The following KCNC2 variants were observed in gnomAD, a reference collection of about 807,000 sequenced individuals.
The protein encoded by KCNC2 is potassium voltage-gated channel subfamily C member 2.
KCNC2 carries 21 observed loss-of-function variants against 44.5 expected under a neutral mutation model. The observed-to-expected ratio is 0.47, with a 90% CI of 0.33 to 0.68. The LOEUF (loss-of-function observed/expected upper bound fraction) is 0.68. KCNC2 is among the 30% of genes least tolerant of loss of function. The pLI is 0.01. For synonymous variants in KCNC2, 391 were observed against 339.1 expected (o/e 1.15, Z -1.68); for missense variants, 589 against 826.2 (o/e 0.71, Z 3.52).
intron 2 of KCNC2, among the ~76,000 whole-genome samples, chr12:75,076,038 TACACACAC>T (rs71078709): frequency 2.1e-3 from 302 of 141,394 alleles, no homozygotes; most frequent in African/African-American, 4.7e-3. Context: ...TAATGTTACA[TACACACAC>T]ACACACACAC....
chr12:75,113,213 C>T (rs1887385093), intron 2 of KCNC2, among the ~76,000 whole-genome samples: 1 of 152,064 alleles, frequency 6.6e-6, no homozygotes, highest in Non-Finnish European at 1.5e-5. Context: ...TGGGGTCTAT[C>T]ATTTGACAAA....
chr12:75,114,457 C>T (rs1887491990), intron 2 of KCNC2, among the ~76,000 whole-genome samples: 1 of 152,126 alleles, frequency 6.6e-6, no homozygotes, highest in Non-Finnish European at 1.5e-5. Context: ...GTAACAGAGA[C>T]ATAGTGGTAA....
chr12:75,187,628 G>A (rs1893042009), intron 2 of KCNC2, among the ~76,000 whole-genome samples: 1 of 152,218 alleles, frequency 6.6e-6, no homozygotes, highest in African/African-American at 2.4e-5. Context: ...CCAGTTAAAT[G>A]TGGTGGCCAG....
chr12:75,093,291 G>C (rs565052513), intron 2 of KCNC2, among the ~76,000 whole-genome samples: 1 of 151,598 alleles, frequency 6.6e-6, no homozygotes, highest in South Asian at 2.1e-4. Context: ...TCTTAGTAAT[G>C]TCAACTTCGC....
At chr12:75,179,480 G>A (rs1258714802) in intron 2 of KCNC2, among the ~76,000 whole-genome samples, 1 of 151,684 alleles carries the variant, frequency 6.6e-6, no homozygotes. Context: ...CTTATTATAT[G>A]AGAAAAATAA....
intron 2 of KCNC2, among the ~76,000 whole-genome samples, chr12:75,057,879 C>T (rs1321516621): frequency 6.6e-6 from 1 of 151,352 alleles, no homozygotes; most frequent in Non-Finnish European, 1.5e-5. Flanking sequence ...TTCTTTATAT[C>T]CTTATCCAAT....
At chr12:75,111,859 T>C (rs1887275484) in intron 2 of KCNC2, among the ~76,000 whole-genome samples, 1 of 152,060 alleles carries the variant, frequency 6.6e-6, no homozygotes, top group South Asian at 2.1e-4. Flanking sequence ...GTGATTTTAT[T>C]TTTAAAGTTT....
intron 2 of KCNC2, among the ~76,000 whole-genome samples, chr12:75,144,035 A>AC (rs1430284241): frequency 6.6e-6 from 1 of 152,174 alleles, no homozygotes; most frequent in African/African-American, 2.4e-5. Context: ...GTGAACATCC[A>AC]TTTTTATATG....
chr12:75,199,348 CAA>C (rs2031045910), intron 2 of KCNC2, among the ~76,000 whole-genome samples: 1 of 151,826 alleles, frequency 6.6e-6, no homozygotes, highest in African/African-American at 2.4e-5. Context: ...ACACATAAAA[CAA>C]TGAGGAAATG....
intron 2 of KCNC2, among the ~76,000 whole-genome samples, chr12:75,109,147 T>C (rs1887022799): frequency 6.6e-6 from 1 of 152,214 alleles, no homozygotes; most frequent in Admixed American, 6.5e-5. Flanking sequence ...TGTGATTATT[T>C]TAAAGTAGAT....
intron 2 of KCNC2, among the ~76,000 whole-genome samples, chr12:75,161,432 A>G (rs1044478990): frequency 6.6e-6 from 1 of 151,708 alleles, no homozygotes; most frequent in Non-Finnish European, 1.5e-5. Context: ...CAAATGTTGC[A>G]CTCTGATTGA....
chr12:75,041,341 T>C lies in KCNC2; in HGVS notation c.*1764A>G. On this transcript the variant is annotated 3_prime_UTR_variant, in exon 5 of 5. Coordinates refer to ENST00000549446, the MANE Select transcript of KCNC2 (RefSeq NM_139137.4). Reference sequence around the variant, plus strand: ...TAAATATCATATATGTATGTCTGGATAAATACATTGCTGTACAACATCTCC... The same window carrying C: ...TAAATATCATATATGTATGTCTGGACAAATACATTGCTGTACAACATCTCC... The C allele has an allele frequency of 6.8e-7, 1 of 1,476,060 alleles. No individual in the cohort carries two copies. The highest frequency in any genetic ancestry group is 9.0e-7 in the Non-Finnish European group (1 of 1,114,274). The allele number at this position is 1,476,060 out of a possible 1,614,324, so 91.4% of individuals were successfully genotyped here.
intron 2 of KCNC2, among the ~76,000 whole-genome samples, chr12:75,157,539 G>C (rs1890846739): frequency 6.6e-6 from 1 of 151,816 alleles, no homozygotes; most frequent in Non-Finnish European, 1.5e-5. Context: ...ATACTTCCTT[G>C]GACCTGTGCG....
At chr12:75,102,033 G>A (rs554011019) in intron 2 of KCNC2, among the ~76,000 whole-genome samples, 56 of 152,162 alleles carry the variant, frequency 3.7e-4, no homozygotes, top group African/African-American at 1.3e-3. Context: ...CAAGGGATAT[G>A]TCAAGAATAA....
At chr12:75,086,681 A>AATATATATCTATATATATATAT (rs1885054253) in intron 2 of KCNC2, among the ~76,000 whole-genome samples, 1 of 54,208 alleles carries the variant, frequency 1.8e-5, no homozygotes, top group Non-Finnish European at 3.5e-5. Flanking sequence ...AAAAAAAAAA[A>AATATATATCTATATATATATAT]ATATATATAT....
intron 2 of KCNC2, among the ~76,000 whole-genome samples, chr12:75,187,474 A>G (rs763864610): frequency 7.2e-5 from 11 of 152,272 alleles, no homozygotes; most frequent in Non-Finnish European, 2.9e-5. Flanking sequence ...CTTTGTCCCA[A>G]TATTCTCACA....
chr12:75,111,222 G>A (rs1887210657), intron 2 of KCNC2, among the ~76,000 whole-genome samples: 1 of 152,164 alleles, frequency 6.6e-6, no homozygotes, highest in Non-Finnish European at 1.5e-5. Context: ...ATATGTTAGA[G>A]TGCATGTATT....
At chr12:75,070,722 T>A (rs979106458) in intron 2 of KCNC2, among the ~76,000 whole-genome samples, 1 of 151,892 alleles carries the variant, frequency 6.6e-6, no homozygotes, top group African/African-American at 2.4e-5. Context: ...ATATTCACCC[T>A]TTATAAAATT....
chr12:75,056,679 A>G (rs1229292315), intron 2 of KCNC2, among the ~76,000 whole-genome samples: 2 of 152,052 alleles, frequency 1.3e-5, no homozygotes, highest in Non-Finnish European at 2.9e-5. Context: ...AATTTACATT[A>G]AAGTACAAGG....
Sources: gnomAD v4.1 joint callset for allele counts (sites outside exome capture counted in the v4.1 genomes callset) on GRCh38, gnomAD v4.1.1 for gene constraint, MANE v1.5 for transcripts, NCBI Gene and HGNC (gene_info 2026-07-23, HGNC 2026-07-21) for gene names.